NAALADL2: variants seen among roughly 807,000 people sequenced by gnomAD.
NAALADL2 encodes the protein inactive N-acetylated-alpha-linked acidic dipeptidase-like protein 2.
Under a neutral mutation model 87.2 loss-of-function variants are expected in NAALADL2, and 76 were observed. That is an observed-to-expected ratio of 0.87 (90% CI 0.72 to 1.05). The LOEUF (loss-of-function observed/expected upper bound fraction) is 1.05, where lower values mean the gene tolerates loss of function less well. Among genes scored for constraint, NAALADL2 ranks in the 50% least tolerant of loss-of-function variants. NAALADL2 has a pLI of 0.00. For synonymous variants in NAALADL2, 354 were observed against 331.0 expected, an observed-to-expected ratio of 1.07 and a Z score of -0.75; for missense variants, 1,089 against 945.8, an observed-to-expected ratio of 1.15 and a Z score of -1.99.
chr3:175,154,432 T>C (rs1732003814), intron 2 of NAALADL2, among the ~76,000 whole-genome samples: 1 of 152,192 alleles, frequency 6.6e-6, no homozygotes, highest in African/African-American at 2.4e-5. Context: ...ACCTACTTGA[T>C]AGGTAACCTT....
At chr3:174,827,900 C>T (rs1047885910) in intron 3 of NAALADL2, among the ~76,000 whole-genome samples, 1 of 152,106 alleles carries the variant, frequency 6.6e-6, no homozygotes, top group African/African-American at 2.4e-5. Context: ...TTATCATTTC[C>T]TGACTGGGTG....
At chr3:174,750,191 T>G (rs1034274903) in intron 3 of NAALADL2, among the ~76,000 whole-genome samples, 5 of 152,166 alleles carry the variant, frequency 3.3e-5, no homozygotes, top group Admixed American at 2.0e-4. Context: ...TAATCACTGC[T>G]ATTTATAAAA....
chr3:174,991,220 C>T (rs1301339671), intron 1 of NAALADL2, among the ~76,000 whole-genome samples: 1 of 152,044 alleles, frequency 6.6e-6, no homozygotes, highest in Middle Eastern at 3.2e-3. Context: ...GTATGCCAGC[C>T]ACTAGTGTTA....
At chr3:174,910,202 GA>G (rs1733521502) in intron 1 of NAALADL2, among the ~76,000 whole-genome samples, 1 of 151,648 alleles carries the variant, frequency 6.6e-6, no homozygotes, top group Non-Finnish European at 1.5e-5. Context: ...CAGAAGGTTA[GA>G]AACAAAAAAG....
intron 1 of NAALADL2, among the ~76,000 whole-genome samples, chr3:175,045,468 G>A (rs571886277): frequency 2.9e-4 from 44 of 152,140 alleles, no homozygotes; most frequent in Admixed American, 5.2e-4. Context: ...TACTAGTTTG[G>A]TATTTATTAC....
rs60569510 is a variant in NAALADL2 at position 174,657,041 on chromosome 3, C to CTTTTT, written c.-114-80585_-114-80581dup. On this transcript the variant is annotated intron_variant, in intron 2 of 3. Coordinates refer to the NAALADL2 transcript ENST00000434257. ...TCTCTCTCTTTTTCTTTTCCTTCTT[C>CTTTTT]TTTTTTTTTTTTTTTTTTTGCTCCG... is the stretch of plus-strand genomic sequence containing the variant. Among the ~76,000 whole-genome samples the CTTTTT allele has an allele frequency of 8.5e-4, 98 of 115,804 alleles. 1 individual carries two copies. Among genetic ancestry groups the CTTTTT allele is most frequent in the African/African-American group, 2.7e-3 (75 of 28,254 alleles). The allele number at this position is 115,804 out of a possible 152,430, so 76.0% of individuals were successfully genotyped here.
intron 2 of NAALADL2, among the ~76,000 whole-genome samples, chr3:174,602,229 C>A (rs139261675): frequency 6.6e-6 from 1 of 152,112 alleles, no homozygotes; most frequent in Non-Finnish European, 1.5e-5. Flanking sequence ...CACATTTTAA[C>A]AATATTGATT....
intron 10 of NAALADL2, among the ~76,000 whole-genome samples, chr3:175,597,661 G>A (rs1182482082): frequency 2.0e-5 from 3 of 151,890 alleles, no homozygotes; most frequent in Non-Finnish European, 2.9e-5. Context: ...AGGGTGTTTA[G>A]TAACATCACT....
intron 1 of NAALADL2, among the ~76,000 whole-genome samples, chr3:175,023,322 T>C (rs1018427108): frequency 1.3e-5 from 2 of 152,132 alleles, no homozygotes; most frequent in Non-Finnish European, 2.9e-5. Flanking sequence ...AATTTATTCA[T>C]ATTTCAATTT....
intron 10 of NAALADL2, among the ~76,000 whole-genome samples, chr3:175,614,849 C>A (rs1012687489): frequency 1.3e-5 from 2 of 152,054 alleles, no homozygotes; most frequent in Non-Finnish European, 2.9e-5. Context: ...ACTGGCATGA[C>A]AAAGGCCTAA....
In NAALADL2 at chr3:174,787,587, A is replaced by ATG. The variant is rs1375928810; in HGVS notation, c.-9+49842_-9+49843insGT. On this transcript the variant is annotated intron_variant, in intron 3 of 3. Coordinates refer to the NAALADL2 transcript ENST00000434257. ...AGGCAATATATCATCATATATATATATATATATATATATATATATATATAT... is the reference window on the plus strand; with the variant it reads ...AGGCAATATATCATCATATATATATATGTATATATATATATATATATATATAT... Among the ~76,000 whole-genome samples the ATG allele has an allele frequency of 7.5e-4, 44 of 58,930 alleles. 3 individuals are homozygous for ATG. Among genetic ancestry groups the ATG allele is most frequent in the African/African-American group, 2.4e-3 (42 of 17,270 alleles). 38.7% of individuals were successfully genotyped at this position (58,930 alleles called of 152,430 possible). A position where few individuals can be genotyped will look rare whatever the true frequency, so the allele number is the denominator to read the frequency against.
intron 1 of NAALADL2, among the ~76,000 whole-genome samples, chr3:174,454,527 G>A (rs748404301): frequency 9.2e-5 from 14 of 151,924 alleles, no homozygotes; most frequent in Non-Finnish European, 1.5e-4. Context: ...AATTGAAATC[G>A]TAAGAACCAC....
chr3:174,641,566 C>G (rs192092747), intron 2 of NAALADL2, among the ~76,000 whole-genome samples: 1 of 152,076 alleles, frequency 6.6e-6, no homozygotes, highest in African/African-American at 2.4e-5. Flanking sequence ...GGTGGAGTGA[C>G]GCTGGGAATT....
chr3:174,742,269 C>T (rs548312522), intron 3 of NAALADL2, among the ~76,000 whole-genome samples: 2 of 151,720 alleles, frequency 1.3e-5, no homozygotes, highest in East Asian at 1.9e-4. Context: ...TAGTTTTCCT[C>T]GGGATGTTCA....
chr3:175,446,396 CAT>C (rs1383088005), intron 5 of NAALADL2, among the ~76,000 whole-genome samples: 3 of 152,090 alleles, frequency 2.0e-5, no homozygotes, highest in Non-Finnish European at 2.9e-5. Flanking sequence ...CGTGCACCAC[CAT>C]ACCCAGCTAA....
At position 175,803,130 on chromosome 3, in the gene NAALADL2, G is replaced by A. The variant is rs1408248673; in HGVS notation, c.2315G>A (p.Ser772Asn). 1.6e-5 allele frequency: 25 copies of A among 1,612,408 alleles called. No homozygotes were observed. Among genetic ancestry groups the A allele is most frequent in the African/African-American group, 2.7e-5 (2 of 74,972 alleles). Residue 772 changes from serine to asparagine, a missense_variant, in exon 14 of 14, where the codon AGC (serine) becomes AAC (asparagine). By Grantham distance (46) the Ser-to-Asn change is conservative (BLOSUM62 1). Transcript: ENST00000454872. Reference protein sequence around the residue: ...LQEALSEVLNSINSAQVYFKA... With the variant: ...LQEALSEVLNNINSAQVYFKA... ...GAAGCCCTGTCAGAGGTGTTGAACA[G>A]CATTAATTCAGCTCAGGTTTACTTC... is the stretch of plus-strand genomic sequence containing the variant.
intron 3 of NAALADL2, among the ~76,000 whole-genome samples, chr3:174,749,997 C>T (rs1187984846): frequency 6.6e-6 from 1 of 152,076 alleles, no homozygotes; most frequent in African/African-American, 2.4e-5. Flanking sequence ...ACTGCCTTCC[C>T]ATGGTTCCAA....
chr3:175,533,129 G>A (rs577378158), intron 9 of NAALADL2, among the ~76,000 whole-genome samples: 1 of 152,266 alleles, frequency 6.6e-6, no homozygotes, highest in East Asian at 1.9e-4. Context: ...TAAATGCAGA[G>A]TCCCTACTTA....
intron 13 of NAALADL2, among the ~76,000 whole-genome samples, chr3:175,800,864 G>C: frequency 6.6e-6 from 1 of 152,098 alleles, no homozygotes; most frequent in Middle Eastern, 3.2e-3. Flanking sequence ...TGAAAATAGG[G>C]ATTAGGATAT....
Sources: allele counts gnomAD v4.1 joint callset (sites outside exome capture counted in the v4.1 genomes callset), GRCh38; gene constraint gnomAD v4.1.1; transcripts MANE v1.5; gene names NCBI Gene and HGNC (gene_info 2026-07-23, HGNC 2026-07-21).